ATM: variants seen among roughly 807,000 people sequenced by gnomAD.
ATM encodes ATM serine/threonine kinase, also known as serine-protein kinase ATM.
A neutral mutation model predicts 387.0 loss-of-function variants in ATM; 308 were observed. The observed-to-expected ratio is 0.80, with a 90% CI of 0.73 to 0.87. The LOEUF is 0.87. ATM is among the 40% of genes least tolerant of loss of function. The probability of loss-of-function intolerance (pLI) is 0.00; values close to 1 mark genes in which losing one functional copy is unlikely to be tolerated. For missense variants in ATM, 3,312 were observed against 3,560.9 expected (o/e 0.93, Z 1.78); for synonymous variants, 1,156 against 1,187.3 (o/e 0.97, Z 0.54).
At chr11:108,245,411 C>A (rs562846847) in intron 7 of ATM, among the ~76,000 whole-genome samples, 3 of 152,010 alleles carry the variant, frequency 2.0e-5, no homozygotes, top group Non-Finnish European at 4.4e-5. Flanking sequence ...AGATAAAATA[C>A]GTAAATTGGA....
chr11:108,349,993 T>C (rs1212217746), intron 59 of ATM, among the ~76,000 whole-genome samples: 1 of 152,110 alleles, frequency 6.6e-6, no homozygotes, highest in Non-Finnish European at 1.5e-5. Flanking sequence ...TATTGTGTTT[T>C]TGCTGAGAAA....
At chr11:108,272,660 C>CT in intron 21 of ATM, 53 bp downstream of exon 21, 1 of 1,612,650 alleles carries the variant, frequency 6.2e-7, no homozygotes, top group Non-Finnish European at 8.5e-7. Flanking sequence ...TTAAAGCAGT[C>CT]TTTGTTTGTT....
chr11:108,321,383 A>G lies in ATM; in HGVS notation c.6535A>G (p.Ile2179Val), dbSNP rs2136241829. The change falls in exon 45 of 63, where the codon ATT (isoleucine) becomes GTT (valine). Residue 2179 changes from isoleucine to valine, a missense_variant. Ile to Val is a conservative substitution (Grantham distance 29, BLOSUM62 3). Around this residue, in one of 4 missense-constraint regions of ATM, gnomAD observed 1,405 missense variants for 1,604.4 expected, o/e 0.88. Transcript: ENST00000675843. Reference sequence around the variant, plus strand: ...TCCCACACTTAGCAGGTTGCAGGCCATTGGAGAGCTGGAAAGCATTGGGGA... The same window carrying G: ...TCCCACACTTAGCAGGTTGCAGGCCGTTGGAGAGCTGGAAAGCATTGGGGA... ...LYPTLSRLQA[I>V]GELESIGELF... 3 of 1,614,170 alleles carry G rather than the reference A, an allele frequency of 1.9e-6. No homozygotes were observed. The highest frequency in any genetic ancestry group is 2.5e-6 in the Non-Finnish European group (3 of 1,180,014).
intron 13 of ATM, 39 bp downstream of exon 13, chr11:108,254,078 T>A (rs1286194927): frequency 1.9e-6 from 3 of 1,587,392 alleles, no homozygotes; most frequent in Non-Finnish European, 2.6e-6. Flanking sequence ...TTATATATGA[T>A]TCAACTTTGG....
chr11:108,329,046 A>G lies in ATM; in HGVS notation c.7115A>G (p.Asp2372Gly), dbSNP rs2085976203. The change falls in exon 49 of 63, where the codon GAT becomes GGT. Residue 2372 changes from aspartate to glycine, a missense_variant. Physicochemically the swap from Asp to Gly is moderately conservative, Grantham distance 94 (BLOSUM62 -1). Coordinates refer to ENST00000675843, the MANE Select transcript of ATM (RefSeq NM_000051.4). ...GCAGTAGAAGTTGCTGGAAATTATG[A>G]TGGAGAAAGTAGTGATGAGCTAAGA... ...EKAVEVAGNY[D>G]GESSDELRNG... 6.2e-7 allele frequency: 1 copy of G among 1,614,120 alleles called. No individual in the cohort carries two copies. The highest frequency in any genetic ancestry group is 8.5e-7 in the Non-Finnish European group (1 of 1,179,994).
chr11:108,260,192 A>G (rs540085608), intron 16 of ATM, among the ~76,000 whole-genome samples: 1 of 152,012 alleles, frequency 6.6e-6, no homozygotes, highest in African/African-American at 2.4e-5. Flanking sequence ...GTGCCACCAC[A>G]ACCGGCTAAT....
chr11:108,258,877 ATAG>A, intron 15 of ATM, 106 bp from the exon 16 acceptor site: 1 of 834,014 alleles, frequency 1.2e-6, no homozygotes, highest in Non-Finnish European at 2.0e-6. Context: ...ATTGGCCCTA[ATAG>A]TAAACTATTT....
intron 61 of ATM, among the ~76,000 whole-genome samples, chr11:108,360,317 C>A (rs1270876754): frequency 3.3e-5 from 5 of 150,236 alleles, no homozygotes; most frequent in African/African-American, 1.2e-4. Context: ...GTTTACCAAA[C>A]AAAAAGAGTC....
In ATM at chr11:108,345,818, C is replaced by T. The variant is rs587779872; in HGVS notation, c.8494C>T (p.Arg2832Cys). 1.9e-5 allele frequency: 30 copies of T among 1,613,666 alleles called. No individual in the cohort carries two copies. The highest frequency in any genetic ancestry group is 5.3e-5 in the African/African-American group (4 of 74,880). ...DVCQNFQPVF[R>C]YFCMEKFLDP... ...TTGCCAAAATTTTCAACCAGTTTTC[C>T]GTTACTTCTGCATGGAAAAATTCTT... is the stretch of plus-strand genomic sequence containing the variant. Residue 2832 changes from arginine to cysteine, a missense_variant, in exon 58 of 63, where the codon CGT (arginine) becomes TGT (cysteine). Physicochemically the swap from Arg to Cys is radical, Grantham distance 180 (BLOSUM62 -3). Around this residue, in one of 4 missense-constraint regions of ATM, gnomAD observed 1,405 missense variants for 1,604.4 expected, o/e 0.88. Coordinates refer to ENST00000675843, the MANE Select transcript of ATM (RefSeq NM_000051.4).
chr11:108,308,715 A>C, intron 38 of ATM: 1 of 324,458 alleles, frequency 3.1e-6, no homozygotes, highest in African/African-American at 2.1e-5. Context: ...GAGGTGAGTG[A>C]AAAATGAAAT....
intron 26 of ATM, among the ~76,000 whole-genome samples, chr11:108,284,879 T>C (rs1243858521): frequency 6.6e-6 from 1 of 152,202 alleles, no homozygotes; most frequent in Non-Finnish European, 1.5e-5. Context: ...CCCTCATTCC[T>C]ATAGTTCTCA....
At chr11:108,322,939 C>T (rs1450197330) in intron 45 of ATM, among the ~76,000 whole-genome samples, 1 of 151,670 alleles carries the variant, frequency 6.6e-6, no homozygotes, top group Non-Finnish European at 1.5e-5. Flanking sequence ...GGCAGGATGA[C>T]AAAGTAAAGT....
chr11:108,252,127 TAATG>T, intron 11 of ATM, 96 bp downstream of exon 11: 6 of 1,092,412 alleles, frequency 5.5e-6, no homozygotes, highest in South Asian at 2.8e-5. Context: ...TTTATAATAA[TAATG>T]CAGAATTTCC....
rs752135143 is a variant in ATM, at chr11:108,229,328, G to A, written c.331+5G>A. 6.2e-7 allele frequency: 1 copy of A among 1,607,616 alleles called. No homozygotes were observed. Among genetic ancestry groups the A allele is most frequent in the Non-Finnish European group, 8.5e-7 (1 of 1,176,408 alleles). On this transcript the variant is annotated splice_donor_5th_base_variant and intron_variant, in intron 4 of 62. Transcript: ENST00000675843. ...TCATCAAATGTGCAAACAGAAGTAAGTGATGTTATAAATTATAAATAAATG... is the reference window on the plus strand; with the variant it reads ...TCATCAAATGTGCAAACAGAAGTAAATGATGTTATAAATTATAAATAAATG...
chr11:108,240,310 C>T (rs953397207), intron 5 of ATM, among the ~76,000 whole-genome samples: 13 of 152,148 alleles, frequency 8.5e-5, no homozygotes, highest in African/African-American at 2.9e-4. Context: ...CTGTGCTTCA[C>T]CTTTTCATCT....
At chr11:108,362,556 C>G (rs2090894877) in intron 61 of ATM, among the ~76,000 whole-genome samples, 1 of 148,446 alleles carries the variant, frequency 6.7e-6, no homozygotes. Flanking sequence ...ACCCAAATGT[C>G]CAACAATGAT....
In ATM at chr11:108,368,083, T is replaced by C. The variant is rs983386242; in HGVS notation, c.*2575T>C. On this transcript the variant is annotated 3_prime_UTR_variant, in exon 63 of 63. Coordinates refer to ENST00000675843, the MANE Select transcript of ATM (RefSeq NM_000051.4). ...ATCTACTCTTTAGCCTTGCATGGTATGCTATGAGGCTCCTGTTCTGTTCAA... is the reference window on the plus strand; with the variant it reads ...ATCTACTCTTTAGCCTTGCATGGTACGCTATGAGGCTCCTGTTCTGTTCAA... The C allele has an allele frequency of 3.4e-5, 7 of 208,814 alleles. No individual in the cohort carries two copies. The highest frequency in any genetic ancestry group is 2.9e-5 in the Non-Finnish European group (3 of 102,824). The allele number at this position is 208,814 out of a possible 1,614,324, so 12.9% of individuals were successfully genotyped here. A position where few individuals can be genotyped will look rare whatever the true frequency, so the allele number is the denominator to read the frequency against.
At chr11:108,297,720 T>C (rs1478496035) in intron 33 of ATM, among the ~76,000 whole-genome samples, 2 of 152,188 alleles carry the variant, frequency 1.3e-5, no homozygotes, top group Admixed American at 6.5e-5. Flanking sequence ...TATTATATCT[T>C]CAAAATAAGT....
At chr11:108,300,878 CTTTT>C (rs11305754) in intron 34 of ATM, among the ~76,000 whole-genome samples, 2 of 102,668 alleles carry the variant, frequency 1.9e-5, no homozygotes, top group Non-Finnish European at 4.0e-5. Context: ...TCATCTCTCT[CTTTT>C]TTTTTTTTTT....
Sources: allele counts gnomAD v4.1 joint callset (sites outside exome capture counted in the v4.1 genomes callset), GRCh38; gene constraint gnomAD v4.1.1; regional missense constraint gnomAD v4.1.1; transcripts MANE v1.5; gene names NCBI Gene and HGNC (gene_info 2026-07-23, HGNC 2026-07-21).